The following ITGAD variants were observed in gnomAD, a reference collection of about 807,000 sequenced individuals.
The protein encoded by ITGAD is integrin alpha-D.
Under a neutral mutation model 139.0 loss-of-function variants are expected in ITGAD, and 105 were observed. The ratio of observed to expected loss-of-function variants is 0.76; its 90% confidence interval spans 0.65 to 0.89. ITGAD has a LOEUF of 0.89. Ranked by LOEUF, ITGAD falls within the 40% of genes least tolerant of loss-of-function variation. The pLI is 0.00. For missense variants in ITGAD, 1,384 were observed against 1,487.3 expected (o/e 0.93, Z 1.14); for synonymous variants, 569 against 598.3 (o/e 0.95, Z 0.71).
At chr16:31,399,709 A>T (rs2081357521) in intron 5 of ITGAD, among the ~76,000 whole-genome samples, 1 of 152,168 alleles carries the variant, frequency 6.6e-6, no homozygotes, top group South Asian at 2.1e-4. Context: ...GGGATGCCTG[A>T]TGCAAATGGG....
At chr16:31,414,315 A>T in intron 16 of ITGAD, 136 bp from the exon 17 acceptor site, 1 of 833,060 alleles carries the variant, frequency 1.2e-6, no homozygotes. Context: ...TCTTCTTCAC[A>T]TGTATCCCCA....
In ITGAD at chr16:31,394,233, C is replaced by T. The variant is rs2081210511; in HGVS notation, c.32-3C>T. 6.2e-7 allele frequency: 1 copy of T among 1,605,882 alleles called. No homozygotes were observed. Among genetic ancestry groups the T allele is most frequent in the Admixed American group, 1.7e-5 (1 of 59,954 alleles). On this transcript the variant is annotated splice_polypyrimidine_tract_variant and splice_region_variant and intron_variant, in intron 1 of 29. Coordinates refer to ENST00000389202, the MANE Select transcript of ITGAD (RefSeq NM_005353.3). ...GCCTCCCCGCCCACCAAATATTCCT[C>T]AGTCCTGGCTTCTTATCATGGATTC...
At position 31,413,107 on chromosome 16, in the gene ITGAD, A is replaced by G. The variant is rs1269886562; in HGVS notation, c.1857A>G (p.Lys619=). 6.2e-7 allele frequency: 1 copy of G among 1,613,906 alleles called. No individual in the cohort carries two copies. Among genetic ancestry groups the G allele is most frequent in the Non-Finnish European group, 8.5e-7 (1 of 1,179,990 alleles). Residue 619 remains lysine, a synonymous_variant, in exon 16 of 30, where the codon AAA becomes AAG. Transcript: ENST00000389202. ...VLLLRSLPVL[K]VGVAMRFSPV... ...CCCTCAGGAGTCTGCCGGTGCTGAA[A>G]GTGGGGGTGGCCATGAGATTCAGCC...
intron 16 of ITGAD, 63 bp downstream of exon 16, chr16:31,413,309 T>A: frequency 1.3e-6 from 2 of 1,550,574 alleles, no homozygotes; most frequent in Non-Finnish European, 8.8e-7. Context: ...AATGCCATCC[T>A]GAGGATGGGA....
Position 31,416,070 on chromosome 16 carries a change from C to T in ITGAD, c.2284-143C>T, listed in dbSNP as rs1336247770. On this transcript the variant is annotated intron_variant, in intron 18 of 29. Coordinates refer to ENST00000389202, the MANE Select transcript of ITGAD (RefSeq NM_005353.3). Reference sequence around the variant, plus strand: ...TTCTTTTATATGCCAACCTCCAAACCGCACCTGCGCCCCTTGTTGGTGTCC... The same window carrying T: ...TTCTTTTATATGCCAACCTCCAAACTGCACCTGCGCCCCTTGTTGGTGTCC... The T allele has an allele frequency of 2.5e-5, 14 of 559,384 alleles. No individual in the cohort carries two copies. The South Asian group carries it at 2.8e-4, about 11-fold the overall frequency. The allele number at this position is 559,384 out of a possible 1,614,324, so 34.7% of individuals were successfully genotyped here.
intron 16 of ITGAD, 51 bp downstream of exon 16, chr16:31,413,297 C>T: frequency 6.3e-7 from 1 of 1,580,618 alleles, no homozygotes; most frequent in African/African-American, 1.4e-5. Flanking sequence ...ATTAGGGGCC[C>T]CAATGCCATC....
rs747498775 is a variant in ITGAD at position 31,411,283 on chromosome 16, G to T, written c.1498-25G>T. ...GAGTGGAGGCGTCACCTGGATTGGGGTCTGACACTGCTTGTGTTCAGCAGA... is the reference window on the plus strand; with the variant it reads ...GAGTGGAGGCGTCACCTGGATTGGGTTCTGACACTGCTTGTGTTCAGCAGA... On this transcript the variant is annotated intron_variant, in intron 13 of 29. Coordinates refer to ENST00000389202, the MANE Select transcript of ITGAD (RefSeq NM_005353.3). The T allele has an allele frequency of 1.9e-6, 3 of 1,608,562 alleles. No individual in the cohort carries two copies. The East Asian group carries it at 6.7e-5, about 36-fold the overall frequency.
In ITGAD at chr16:31,395,087, C is replaced by T. The variant is rs538872759; in HGVS notation, c.137+746C>T. On this transcript the variant is annotated intron_variant, in intron 2 of 29. Coordinates refer to ENST00000389202, the MANE Select transcript of ITGAD (RefSeq NM_005353.3). ...ATCCCAACGCTTTGGGAGGCTGAGGCGGGCAGATCATCTGAGGCCAGGAGT... is the reference window on the plus strand; with the variant it reads ...ATCCCAACGCTTTGGGAGGCTGAGGTGGGCAGATCATCTGAGGCCAGGAGT... 1.6e-3 allele frequency among the ~76,000 whole-genome samples: 241 copies of T among 152,258 alleles called. 1 individual carries two copies. Among genetic ancestry groups the T allele is most frequent in the African/African-American group, 5.7e-3 (237 of 41,544 alleles).
intron 1 of ITGAD, among the ~76,000 whole-genome samples, chr16:31,393,797 CT>C (rs1037291191): frequency 1.3e-5 from 2 of 152,120 alleles, no homozygotes; most frequent in African/African-American, 4.8e-5. Context: ...AAGAGGCCCC[CT>C]GCTGAAAACT....
chr16:31,424,702 A>G (rs2082078609), intron 29 of ITGAD, 125 bp downstream of exon 29: 1 of 591,512 alleles, frequency 1.7e-6, no homozygotes, highest in African/African-American at 1.9e-5. Flanking sequence ...GGTTCAAGTG[A>G]TTCTCCTGTC....
At chr16:31,398,634 T>C (rs1327636363) in intron 5 of ITGAD, among the ~76,000 whole-genome samples, 1 of 151,914 alleles carries the variant, frequency 6.6e-6, no homozygotes, top group East Asian at 2.0e-4. Flanking sequence ...GGTACATGCA[T>C]CACACCTGGC....
chr16:31,393,412 G>T lies in ITGAD; in HGVS notation c.31+21G>T, dbSNP rs779471589. The T allele has an allele frequency of 3.1e-6, 5 of 1,613,706 alleles. No homozygotes were observed. The East Asian group carries it at 6.7e-5, about 22-fold the overall frequency. ...GAGTGGTAAGTGGGGCCAGGGTGCT[G>T]GGGAGAAGCTTGGAGGAGTTCTGAG... is the stretch of plus-strand genomic sequence containing the variant. On this transcript the variant is annotated intron_variant, in intron 1 of 29. Transcript: ENST00000389202.
chr16:31,399,094 G>C (rs1220852258), intron 5 of ITGAD, among the ~76,000 whole-genome samples: 1 of 152,232 alleles, frequency 6.6e-6, no homozygotes, highest in South Asian at 2.1e-4. Flanking sequence ...ACAGGGCCTG[G>C]GGACACCACC....
chr16:31,409,484 C>G (rs997725169), intron 10 of ITGAD, among the ~76,000 whole-genome samples: 3 of 152,134 alleles, frequency 2.0e-5, no homozygotes, highest in Non-Finnish European at 4.4e-5. Context: ...ACATTTATTT[C>G]TACTTCTGTA....
intron 5 of ITGAD, among the ~76,000 whole-genome samples, chr16:31,398,480 C>G (rs2081328058): frequency 6.6e-6 from 1 of 150,758 alleles, no homozygotes; most frequent in Non-Finnish European, 1.5e-5. Flanking sequence ...CATGCACCAC[C>G]ACACCCTGCT....
In ITGAD at chr16:31,411,345, A is replaced by G. The variant is rs1259184828; in HGVS notation, c.1535A>G (p.Glu512Gly). ...CAGTGTGACGCTGTTCTCCGTGGTG[A>G]GCAGGGCCACCCCTGGGGCCGCTTT... ...QWQCDAVLRGEQGHPWGRFGA... is the reference protein window; with the variant it reads ...QWQCDAVLRGGQGHPWGRFGA... Residue 512 changes from glutamate to glycine, a missense_variant, in exon 14 of 30, where the codon GAG (glutamate) becomes GGG (glycine). Physicochemically the swap from Glu to Gly is moderately conservative, Grantham distance 98. Coordinates refer to ENST00000389202, the MANE Select transcript of ITGAD (RefSeq NM_005353.3). The G allele has an allele frequency of 1.2e-6, 2 of 1,613,654 alleles. No individual in the cohort carries two copies. Among genetic ancestry groups the G allele is most frequent in the African/African-American group, 2.7e-5 (2 of 74,836 alleles).
At position 31,410,804 on chromosome 16, in the gene ITGAD, C is replaced by T; in HGVS notation, c.1282C>T (p.His428Tyr). Residue 428 changes from histidine (H) to tyrosine (Y), a missense_variant, in exon 12 of 30, where the codon CAT becomes TAT. Transcript: ENST00000389202. ...GGTCCTGGGGGCCCCCCGCTACCAG[C>T]ATACCGGGAAGGCTGTCATCTTCAC... ...NLVLGAPRYQ[H>Y]TGKAVIFTQV... 1 of 1,613,708 alleles carries T rather than the reference C, an allele frequency of 6.2e-7. No individual in the cohort carries two copies. Among genetic ancestry groups the T allele is most frequent in the Non-Finnish European group, 8.5e-7 (1 of 1,179,896 alleles).
At position 31,397,342 on chromosome 16, in the gene ITGAD, C is replaced by T; in HGVS notation, c.138-17C>T. 1 of 1,557,422 alleles carries T rather than the reference C, an allele frequency of 6.4e-7. No individual in the cohort carries two copies. The highest frequency in any genetic ancestry group is 8.7e-7 in the Non-Finnish European group (1 of 1,144,190). On this transcript the variant is annotated splice_polypyrimidine_tract_variant and intron_variant, in intron 2 of 29. Transcript: ENST00000389202. Reference sequence around the variant, plus strand: ...CCTCCTGTGGCTGCAGTGACATGGCCATGGTTGTGTCTCCAGACTCGTGGT... The same window carrying T: ...CCTCCTGTGGCTGCAGTGACATGGCTATGGTTGTGTCTCCAGACTCGTGGT...
chr16:31,414,775 G>A, intron 17 of ITGAD, 85 bp from the exon 18 acceptor site: 1 of 1,569,112 alleles, frequency 6.4e-7, no homozygotes, highest in South Asian at 1.2e-5. Flanking sequence ...CACTGTCAGG[G>A]CAGTGGGGAG....
Sources: gnomAD v4.1 joint callset for allele counts (sites outside exome capture counted in the v4.1 genomes callset) on GRCh38, gnomAD v4.1.1 for gene constraint, MANE v1.5 for transcripts, NCBI Gene and HGNC (gene_info 2026-07-23, HGNC 2026-07-21) for gene names.